OSBPL9: variants seen among roughly 807,000 people sequenced by gnomAD.
OSBPL9 encodes the protein oxysterol-binding protein-related protein 9.
In OSBPL9, 40 loss-of-function variants were observed where a neutral mutation model predicts 106.6. The observed-to-expected ratio is 0.38, with a 90% confidence interval of 0.29 to 0.49. The LOEUF is 0.49. Ranked by LOEUF, OSBPL9 falls within the 20% of genes least tolerant of loss-of-function variation. OSBPL9 has a pLI of 0.97. For missense variants in OSBPL9, 609 were observed against 887.2 expected (o/e 0.69, Z 3.98); for synonymous variants, 269 against 295.4 (o/e 0.91, Z 0.92).
At chr1:51,658,967 C>A (rs2148724962) in intron 2 of OSBPL9, among the ~76,000 whole-genome samples, 1 of 152,126 alleles carries the variant, frequency 6.6e-6, no homozygotes, top group East Asian at 1.9e-4. Context: ...TTGAAAATAT[C>A]CTCCCTTGGG....
intron 12 of OSBPL9, among the ~76,000 whole-genome samples, chr1:51,770,286 C>G (rs1222485733): frequency 6.6e-6 from 1 of 152,084 alleles, no homozygotes; most frequent in Non-Finnish European, 1.5e-5. Flanking sequence ...GGACTACAGG[C>G]GCATGCCACC....
chr1:51,647,334 T>G (rs1219828219), intron 1 of OSBPL9, among the ~76,000 whole-genome samples: 1 of 152,200 alleles, frequency 6.6e-6, no homozygotes, highest in Non-Finnish European at 1.5e-5. Flanking sequence ...GCTAGTATTT[T>G]GTTGAGAATT....
chr1:51,616,710 C>T (rs1644066952), upstream of OSBPL9, among the ~76,000 whole-genome samples: 3 of 152,032 alleles, frequency 2.0e-5, no homozygotes, highest in Admixed American at 2.0e-4. Context: ...TAGAAGAATG[C>T]CTAGCACAAA....
intron 1 of OSBPL9, among the ~76,000 whole-genome samples, chr1:51,589,715 C>T (rs1371450645): frequency 6.6e-6 from 1 of 151,676 alleles, no homozygotes; most frequent in Non-Finnish European, 1.5e-5. Flanking sequence ...GTGGCTGGAA[C>T]ATAATGAACA....
intron 3 of OSBPL9, 183 bp downstream of exon 3, chr1:51,669,695 A>C: frequency 1.5e-6 from 1 of 663,796 alleles, no homozygotes; most frequent in Non-Finnish European, 2.8e-6. Context: ...CAATGGATGT[A>C]GATCGATTTG....
At chr1:51,662,995 T>C (rs913964935) in intron 2 of OSBPL9, among the ~76,000 whole-genome samples, 4 of 152,046 alleles carry the variant, frequency 2.6e-5, no homozygotes, top group African/African-American at 7.2e-5. Flanking sequence ...CTGCCCGCCT[T>C]GGCCTCCCAA....
At chr1:51,617,953 G>A (rs1360105797) in intron 1 of OSBPL9, among the ~76,000 whole-genome samples, 2 of 151,944 alleles carry the variant, frequency 1.3e-5, no homozygotes, top group Non-Finnish European at 2.9e-5. Flanking sequence ...ACATGAGTTG[G>A]TGGCCGTGGA....
At chr1:51,726,473 G>GGTAATGTCT (rs1663141963) in intron 4 of OSBPL9, among the ~76,000 whole-genome samples, 1 of 152,012 alleles carries the variant, frequency 6.6e-6, no homozygotes, top group Non-Finnish European at 1.5e-5. Flanking sequence ...GGTGACATTA[G>GGTAATGTCT]AGCAGAATGT....
the OSBPL9 span, among the ~76,000 whole-genome samples, chr1:51,545,315 C>T: frequency 1.9e-3 from 284 of 152,238 alleles, no homozygotes; most frequent in African/African-American, 6.7e-3. Flanking sequence ...ATAGATACAA[C>T]AGGCAAAACA....
chr1:51,590,775 G>A (rs1021311393), intron 1 of OSBPL9, among the ~76,000 whole-genome samples: 5 of 151,852 alleles, frequency 3.3e-5, no homozygotes, highest in African/African-American at 1.2e-4. Flanking sequence ...TCCGAGACAG[G>A]GTCTCTCTTT....
intron 2 of OSBPL9, among the ~76,000 whole-genome samples, chr1:51,664,087 T>G (rs1223823844): frequency 6.6e-6 from 1 of 152,240 alleles, no homozygotes; most frequent in African/African-American, 2.4e-5. Flanking sequence ...AAACCTGATA[T>G]ATGCATATCC....
chr1:51,522,236 A>C, the OSBPL9 span, among the ~76,000 whole-genome samples: 1 of 152,250 alleles, frequency 6.6e-6, no homozygotes, highest in Non-Finnish European at 1.5e-5. Flanking sequence ...AGTAAGAGCC[A>C]TTGACAGCAG....
chr1:51,721,140 A>T (rs1244459458), intron 4 of OSBPL9, among the ~76,000 whole-genome samples: 11 of 140,574 alleles, frequency 7.8e-5, no homozygotes, highest in Non-Finnish European at 1.6e-4. Context: ...TTTTATGTTA[A>T]TTTTTTTTTT....
chr1:51,631,397 C>T (rs1295408408), intron 1 of OSBPL9, among the ~76,000 whole-genome samples: 1 of 151,934 alleles, frequency 6.6e-6, no homozygotes, highest in Non-Finnish European at 1.5e-5. Flanking sequence ...AAAAAATTAG[C>T]CAAGCATGGT....
At chr1:51,574,274 C>A (rs1176306414), upstream of OSBPL9, among the ~76,000 whole-genome samples, 1 of 152,176 alleles carries the variant, frequency 6.6e-6, no homozygotes, top group African/African-American at 2.4e-5. Context: ...CTACTTCACC[C>A]TCCTCCATGA....
the OSBPL9 span, among the ~76,000 whole-genome samples, chr1:51,520,588 G>T: frequency 6.6e-6 from 1 of 152,148 alleles, no homozygotes; most frequent in Non-Finnish European, 1.5e-5. Flanking sequence ...TGCCCGAATT[G>T]GTCTTAATTT....
chr1:51,767,934 G>GTATTTTTTTT (rs1367458545), intron 12 of OSBPL9, among the ~76,000 whole-genome samples: 1 of 104,688 alleles, frequency 9.6e-6, no homozygotes, highest in African/African-American at 3.7e-5. Context: ...ATTAAAGACC[G>GTATTTTTTTT]TCTTTTTTTT....
At chr1:51,696,311 G>C (rs1036219334) in intron 3 of OSBPL9, among the ~76,000 whole-genome samples, 5 of 152,172 alleles carry the variant, frequency 3.3e-5, no homozygotes, top group Non-Finnish European at 5.9e-5. Context: ...TTTGATGTTT[G>C]CTTGTTCTAC....
At position 51,729,448 on chromosome 1, in the gene OSBPL9, C is replaced by T. The variant is rs888534275; in HGVS notation, c.318+15369C>T. On this transcript the variant is annotated intron_variant, in intron 4 of 23. Coordinates refer to ENST00000428468, the MANE Select transcript of OSBPL9 (RefSeq NM_024586.6). The surrounding 1 kb of genome is among the most constrained non-coding windows in gnomAD (Gnocchi z 5.1). ...AGTGGGAATCCGCGGGGCTGAAGCC[C>T]CGAAACCAGGCTGAGCGTCCCAGAG... 3.3e-5 allele frequency: 5 copies of T among 152,514 alleles called. No individual in the cohort carries two copies. The highest frequency in any genetic ancestry group is 4.4e-5 in the Non-Finnish European group (3 of 68,304). The allele number at this position is 152,514 out of a possible 1,614,324, so 9.4% of individuals were successfully genotyped here. A position where few individuals can be genotyped will look rare whatever the true frequency, so the allele number is the denominator to read the frequency against.
Sources: allele counts gnomAD v4.1 joint callset (sites outside exome capture counted in the v4.1 genomes callset), GRCh38; gene constraint gnomAD v4.1.1; non-coding constraint Gnocchi (gnomAD v3.1); transcripts MANE v1.5; gene names NCBI Gene and HGNC (gene_info 2026-07-23, HGNC 2026-07-21).